The following ARL15 variants were observed in gnomAD, a reference collection of about 807,000 sequenced individuals.
The protein encoded by ARL15 is ADP-ribosylation factor-like protein 15.
A neutral mutation model predicts 25.2 loss-of-function variants in ARL15; 19 were observed. That is an observed-to-expected ratio of 0.75 (90% CI 0.53 to 1.10). The LOEUF (loss-of-function observed/expected upper bound fraction) is 1.10. Among genes scored for constraint, ARL15 ranks in the 50% least tolerant of loss-of-function variants. The pLI, the probability that ARL15 is intolerant of heterozygous loss-of-function variation, is 0.00. For missense variants in ARL15, 220 were observed against 246.0 expected (o/e 0.89, Z 0.71); for synonymous variants, 94 against 86.8 (o/e 1.08, Z -0.46).
chr5:53,989,299 T>C (rs1314962392), intron 4 of ARL15, among the ~76,000 whole-genome samples: 1 of 152,228 alleles, frequency 6.6e-6, no homozygotes, highest in Non-Finnish European at 1.5e-5. Flanking sequence ...ACACTCAATG[T>C]TATTCTATGA....
At chr5:53,950,308 G>A (rs1369521196) in intron 4 of ARL15, among the ~76,000 whole-genome samples, 3 of 151,952 alleles carry the variant, frequency 2.0e-5, no homozygotes, top group Non-Finnish European at 4.4e-5. Context: ...AGGTAGTGAG[G>A]AACCACTTCT....
intron 4 of ARL15, among the ~76,000 whole-genome samples, chr5:54,052,319 A>T (rs576015261): frequency 6.6e-6 from 1 of 152,332 alleles, no homozygotes; most frequent in South Asian, 2.1e-4. Context: ...GCCTAGCATG[A>T]AATGCAATCT....
intron 1 of ARL15, among the ~76,000 whole-genome samples, chr5:54,265,375 C>T (rs763740641): frequency 1.3e-5 from 2 of 152,130 alleles, no homozygotes; most frequent in African/African-American, 4.8e-5. Context: ...AGTGCTGCCA[C>T]TTTAAAGACT....
At chr5:54,226,626 T>A (rs11741079) in intron 1 of ARL15, among the ~76,000 whole-genome samples, 40,121 of 152,106 alleles carry the variant, frequency 0.26, 5,883 homozygotes, top group Non-Finnish European at 0.33. Context: ...ATAATCTTTC[T>A]TTAGAAATAA....
chr5:54,246,289 A>G (rs1757084807), intron 1 of ARL15, among the ~76,000 whole-genome samples: 1 of 151,862 alleles, frequency 6.6e-6, no homozygotes, highest in African/African-American at 2.4e-5. Flanking sequence ...TTTCACTAAC[A>G]TGAAGCTATT....
intron 1 of ARL15, among the ~76,000 whole-genome samples, chr5:54,257,134 A>G (rs2112613164): frequency 6.6e-6 from 1 of 152,282 alleles, no homozygotes; most frequent in Non-Finnish European, 1.5e-5. Flanking sequence ...CCAAGTTGGA[A>G]AAGACGATGT....
chr5:54,270,187 T>C (rs2112642887), intron 1 of ARL15, among the ~76,000 whole-genome samples: 1 of 152,364 alleles, frequency 6.6e-6, no homozygotes, highest in East Asian at 1.9e-4. Context: ...GTATATTTTG[T>C]TTTATTGAAA....
intron 3 of ARL15, among the ~76,000 whole-genome samples, chr5:54,126,410 T>C (rs961776760): frequency 6.6e-6 from 1 of 152,236 alleles, no homozygotes; most frequent in Non-Finnish European, 1.5e-5. Flanking sequence ...ATTGAAACTA[T>C]GAATCTTAAG....
intron 4 of ARL15, among the ~76,000 whole-genome samples, chr5:53,981,881 CA>C (rs1239059359): frequency 1.4e-5 from 2 of 141,578 alleles, no homozygotes; most frequent in Non-Finnish European, 3.1e-5. Context: ...GACTGGGCAA[CA>C]AGAGTGAAAC....
chr5:54,227,413 T>C (rs527765837), intron 1 of ARL15, among the ~76,000 whole-genome samples: 1 of 152,322 alleles, frequency 6.6e-6, no homozygotes, highest in South Asian at 2.1e-4. Flanking sequence ...CTCTTAATCC[T>C]CACAGGCTCT....
chr5:54,023,250 G>A (rs1749672563), intron 4 of ARL15, among the ~76,000 whole-genome samples: 1 of 151,952 alleles, frequency 6.6e-6, no homozygotes, highest in Admixed American at 6.6e-5. Context: ...TAAAGATTAT[G>A]GATGTACAGT....
intron 1 of ARL15, among the ~76,000 whole-genome samples, chr5:54,262,732 C>A (rs1292996039): frequency 6.6e-6 from 1 of 152,140 alleles, no homozygotes; most frequent in East Asian, 1.9e-4. Flanking sequence ...AAATAATTTT[C>A]ATGTTCCAAA....
At chr5:53,918,029 G>A (rs753593971) in intron 4 of ARL15, among the ~76,000 whole-genome samples, 26 of 152,084 alleles carry the variant, frequency 1.7e-4, no homozygotes, top group Non-Finnish European at 3.2e-4. Flanking sequence ...TATGCAATAA[G>A]AACATATGGC....
chr5:54,173,837 C>T (rs543925064), intron 1 of ARL15, among the ~76,000 whole-genome samples: 1 of 152,074 alleles, frequency 6.6e-6, no homozygotes, highest in Non-Finnish European at 1.5e-5. Flanking sequence ...GCCAAGCTCA[C>T]CAGCCTCATT....
intron 4 of ARL15, among the ~76,000 whole-genome samples, chr5:54,049,462 A>T (rs184097419): frequency 2.6e-4 from 39 of 152,254 alleles, no homozygotes; most frequent in African/African-American, 9.1e-4. Flanking sequence ...TATACATCTT[A>T]AAGGATATAT....
At chr5:54,031,179 G>C (rs189177791) in intron 4 of ARL15, among the ~76,000 whole-genome samples, 1 of 152,200 alleles carries the variant, frequency 6.6e-6, no homozygotes, top group Admixed American at 6.5e-5. Context: ...AGTTTGTGCC[G>C]ACATAGCATT....
At chr5:53,966,032 C>T (rs2112166013) in intron 4 of ARL15, among the ~76,000 whole-genome samples, 2 of 152,234 alleles carry the variant, frequency 1.3e-5, no homozygotes, top group Middle Eastern at 6.8e-3. Flanking sequence ...TCCTTGGAAT[C>T]TCCAAAAGGC....
intron 1 of ARL15, among the ~76,000 whole-genome samples, chr5:54,175,993 G>A (rs1448151157): frequency 3.3e-5 from 5 of 152,042 alleles, no homozygotes. Context: ...ATCATCTCCA[G>A]TCCCATGGTT....
intron 4 of ARL15, among the ~76,000 whole-genome samples, chr5:54,055,352 C>CTTTTT (rs147040538): frequency 1.8e-5 from 1 of 55,360 alleles, no homozygotes; most frequent in African/African-American, 8.0e-5. Flanking sequence ...ATCATCATTC[C>CTTTTT]TTTTTTTTTT....
Sources: allele counts gnomAD v4.1 joint callset (sites outside exome capture counted in the v4.1 genomes callset), GRCh38; gene constraint gnomAD v4.1.1; transcripts MANE v1.5; gene names NCBI Gene and HGNC (gene_info 2026-07-23, HGNC 2026-07-21).